Variants in MINDY4 observed in about 807,000 individuals in gnomAD.
The protein encoded by MINDY4 is MINDY lysine 48 deubiquitinase 4.
A neutral mutation model predicts 87.0 loss-of-function variants in MINDY4; 68 were observed. The observed-to-expected ratio is 0.78, with a 90% CI of 0.64 to 0.96. The LOEUF (loss-of-function observed/expected upper bound fraction) is 0.96, where lower values mean the gene tolerates loss of function less well. Ranked by LOEUF, MINDY4 falls within the 40% of genes least tolerant of loss-of-function variation. The pLI, the probability that MINDY4 is intolerant of heterozygous loss-of-function variation, is 0.00. For synonymous variants in MINDY4, 379 were observed against 363.2 expected, an observed-to-expected ratio of 1.04 and a Z score of -0.50; for missense variants, 919 against 928.2, an observed-to-expected ratio of 0.99 and a Z score of 0.13.
At chr7:30,890,668 A>G (rs1318053689) in intron 17 of MINDY4, among the ~76,000 whole-genome samples, 1 of 152,246 alleles carries the variant, frequency 6.6e-6, no homozygotes, top group Non-Finnish European at 1.5e-5. Flanking sequence ...GACACTTTCA[A>G]CCTAAAAATT....
chr7:30,795,529 G>C (rs974312047), intron 5 of MINDY4, among the ~76,000 whole-genome samples: 4 of 152,168 alleles, frequency 2.6e-5, no homozygotes, highest in Non-Finnish European at 5.9e-5. Flanking sequence ...ACCTCTCCAG[G>C]GTCACACAGG....
At chr7:30,817,858 G>A (rs1788203498) in intron 5 of MINDY4, among the ~76,000 whole-genome samples, 1 of 152,174 alleles carries the variant, frequency 6.6e-6, no homozygotes, top group African/African-American at 2.4e-5. Context: ...ATTGCAAAAT[G>A]ATGTTCTGTT....
intron 5 of MINDY4, among the ~76,000 whole-genome samples, chr7:30,799,616 C>T (rs1005817884): frequency 6.6e-6 from 1 of 152,230 alleles, no homozygotes; most frequent in Non-Finnish European, 1.5e-5. Flanking sequence ...TCTGGACTGG[C>T]AGCATCTGCA....
At position 30,782,138 on chromosome 7, in the gene MINDY4, A is replaced by G; in HGVS notation, c.345A>G (p.Thr115=). The G allele has an allele frequency of 6.2e-7, 1 of 1,614,162 alleles. No homozygotes were observed. The part of the protein sequence containing the change: ...NKVPSRCSET[T]LVNIYDLSDE... ...TGCCATCAAGATGCTCAGAGACTAC[A>G]CTGGTAAATATATATGACCTTTCAG... Residue 115 remains threonine, a synonymous_variant, in exon 3 of 18, where the codon ACA becomes ACG. Coordinates refer to ENST00000265299, the MANE Select transcript of MINDY4 (RefSeq NM_032222.3).
chr7:30,781,969 A>T lies in MINDY4; in HGVS notation c.184-8A>T. On this transcript the variant is annotated splice_polypyrimidine_tract_variant and splice_region_variant and intron_variant, in intron 2 of 17. Transcript: ENST00000265299. ...AATTAATGATTTTTTTTTCTCTCCC[A>T]ATGATAGGCAAAGGAAAATCCTCTA... The T allele has an allele frequency of 6.3e-7, 1 of 1,599,772 alleles. No individual in the cohort carries two copies.
rs570930843 is a variant in MINDY4 at position 30,817,778 on chromosome 7, C to T, written c.1074-10901C>T. Among the ~76,000 whole-genome samples, 40 of 152,350 alleles carry T rather than the reference C, an allele frequency of 2.6e-4. 1 individual carries two copies. The highest frequency in any genetic ancestry group is 4.6e-4 in the Non-Finnish European group (31 of 68,032). On this transcript the variant is annotated intron_variant, in intron 5 of 17. Transcript: ENST00000265299. ...CAGTCTTACCTAGCATGTGCGTGTC[C>T]ATCCACTTCCTATATGTCTGTCCAT...
intron 1 of MINDY4, among the ~76,000 whole-genome samples, chr7:30,772,773 G>A (rs553164955): frequency 5.2e-4 from 79 of 152,194 alleles, no homozygotes; most frequent in African/African-American, 1.9e-3. Context: ...GCTGCATGTT[G>A]GATATCAATT....
chr7:30,807,938 CCCTT>C (rs1787862307), intron 5 of MINDY4, among the ~76,000 whole-genome samples: 1 of 152,192 alleles, frequency 6.6e-6, no homozygotes, highest in Non-Finnish European at 1.5e-5. Context: ...CCAAATAAAG[CCCTT>C]CCTTCTTTAA....
chr7:30,778,522 C>T lies in MINDY4; in HGVS notation c.154C>T (p.His52Tyr). The change falls in exon 2 of 18, where the codon CAT (histidine) becomes TAT (tyrosine). Residue 52 changes from histidine (H) to tyrosine (Y), a missense_variant. By Grantham distance (83) the His-to-Tyr change is moderately conservative (BLOSUM62 2). Transcript: ENST00000265299. ...NNRNDLRKVLHLEFLYKENKA... is the reference protein window; with the variant it reads ...NNRNDLRKVLYLEFLYKENKA... ...CAGAAATGATCTTCGAAAGGTTTTG[C>T]ATCTTGAATTTCTCTATAAGGAGAA... 1.2e-6 allele frequency: 2 copies of T among 1,614,218 alleles called. No homozygotes were observed. Among genetic ancestry groups the T allele is most frequent in the Non-Finnish European group, 1.7e-6 (2 of 1,180,034 alleles).
chr7:30,791,296 C>T lies in MINDY4; in HGVS notation c.795C>T (p.Ser265=). 1.2e-6 allele frequency: 2 copies of T among 1,614,188 alleles called. No homozygotes were observed. Among genetic ancestry groups the T allele is most frequent in the East Asian group, 2.2e-5 (1 of 44,874 alleles). ...AGGACATTCTGGCTTCGAGCAACAG[C>T]TCCCCCTCCAGGACCTCCCTGGGTC... ...TQQDILASSN[S]SPSRTSLGQL... is the part of the protein sequence containing the mutation. Residue 265 remains serine, a synonymous_variant, in exon 5 of 18, where the codon AGC becomes AGT. Coordinates refer to ENST00000265299, the MANE Select transcript of MINDY4 (RefSeq NM_032222.3).
rs1430291783 is a variant in MINDY4 at position 30,859,281 on chromosome 7, A to G, written c.1702A>G (p.Ile568Val). The change falls in exon 13 of 18, where the codon ATC becomes GTC. Residue 568 changes from isoleucine to valine, a missense_variant. Ile to Val is a conservative substitution (Grantham distance 29, BLOSUM62 3). Transcript: ENST00000265299. ...GTTTGAAGTGGGCCCCTATGGCTGC[A>G]TCCTGCTCACCCTTTCTGCCATCCT... ...HQFEVGPYGC[I>V]LLTLSAILSR... The G allele has an allele frequency of 6.2e-7, 1 of 1,614,042 alleles. No individual in the cohort carries two copies. The highest frequency in any genetic ancestry group is 1.1e-5 in the South Asian group (1 of 91,080).
intron 5 of MINDY4, among the ~76,000 whole-genome samples, chr7:30,828,373 T>C (rs2128562725): frequency 1.3e-5 from 2 of 151,858 alleles, no homozygotes; most frequent in South Asian, 4.2e-4. Flanking sequence ...TGCAGTGAAA[T>C]TGGCGAGATA....
intron 14 of MINDY4, among the ~76,000 whole-genome samples, chr7:30,874,122 C>T (rs547416253): frequency 5.3e-5 from 8 of 152,366 alleles, no homozygotes; most frequent in South Asian, 4.1e-4. Flanking sequence ...GCCATTCCTA[C>T]GTGCTCCACT....
At chr7:30,841,153 C>T (rs1181417320) in intron 9 of MINDY4, among the ~76,000 whole-genome samples, 1 of 152,198 alleles carries the variant, frequency 6.6e-6, no homozygotes, top group Admixed American at 6.5e-5. Context: ...CCCTTCCACC[C>T]ACCAGGTCGA....
In MINDY4 at chr7:30,891,945, C is replaced by G; in HGVS notation, c.2226-12C>G. ...TGATCTCTCTTTGTCTCTCTCCTCA[C>G]TCTACGCTTAGGTGGAAGGGGGCAT... On this transcript the variant is annotated splice_polypyrimidine_tract_variant and intron_variant, in intron 17 of 17. Coordinates refer to ENST00000265299, the MANE Select transcript of MINDY4 (RefSeq NM_032222.3). The G allele has an allele frequency of 6.2e-7, 1 of 1,614,050 alleles. No homozygotes were observed. The highest frequency in any genetic ancestry group is 1.1e-5 in the South Asian group (1 of 91,084).
intron 17 of MINDY4, among the ~76,000 whole-genome samples, chr7:30,890,475 G>T (rs1047251853): frequency 1.3e-5 from 2 of 152,174 alleles, no homozygotes; most frequent in Non-Finnish European, 2.9e-5. Context: ...GGAGCAAGAA[G>T]CACAAAATTG....
intron 9 of MINDY4, among the ~76,000 whole-genome samples, chr7:30,844,375 C>T (rs1025091766): frequency 2.6e-5 from 4 of 152,190 alleles, no homozygotes; most frequent in Non-Finnish European, 5.9e-5. Context: ...AGCAAGGACT[C>T]GCCTCCTCCT....
At chr7:30,776,531 C>T (rs1287417021) in intron 1 of MINDY4, among the ~76,000 whole-genome samples, 2 of 152,158 alleles carry the variant, frequency 1.3e-5, no homozygotes, top group Admixed American at 6.5e-5. Context: ...TGTTGTCTCT[C>T]CCCCTATAGA....
chr7:30,836,839 T>C, intron 7 of MINDY4, 75 bp downstream of exon 7: 1 of 1,124,796 alleles, frequency 8.9e-7, no homozygotes, highest in Non-Finnish European at 1.3e-6. Flanking sequence ...TTGGTGTTTC[T>C]GCCCCAATCC....
Sources: gnomAD v4.1 joint callset for allele counts (sites outside exome capture counted in the v4.1 genomes callset) on GRCh38, gnomAD v4.1.1 for gene constraint, MANE v1.5 for transcripts, NCBI Gene and HGNC (gene_info 2026-07-23, HGNC 2026-07-21) for gene names.